SLC30A8: variants seen among roughly 807,000 people sequenced by gnomAD.
The protein encoded by SLC30A8 is solute carrier family 30 member 8.
In SLC30A8, 27 loss-of-function variants were observed where a neutral mutation model predicts 36.9. The ratio of observed to expected loss-of-function variants is 0.73; its 90% CI spans 0.54 to 1.01. SLC30A8 has a LOEUF of 1.01. Ranked by LOEUF, SLC30A8 falls within the 50% of genes least tolerant of loss-of-function variation. SLC30A8 has a pLI of 0.00. For missense variants in SLC30A8, 439 were observed against 452.0 expected (o/e 0.97, Z 0.26); for synonymous variants, 164 against 172.4 (o/e 0.95, Z 0.38).
At chr8:117,015,536 ACC>A (rs35601596) in intron 1 of SLC30A8, among the ~76,000 whole-genome samples, 83,198 of 141,632 alleles carry the variant, frequency 0.59, 23,484 homozygotes, top group African/African-American at 0.68. Context: ...GCTATTATGC[ACC>A]CCCCCCCCCC....
intron 6 of SLC30A8, chr8:117,164,135 G>T (rs1238388373): frequency 3.3e-5 from 5 of 152,392 alleles, no homozygotes; most frequent in African/African-American, 9.6e-5. Flanking sequence ...CTAAGGAAGG[G>T]TGAACTGGCA....
Position 117,172,694 on chromosome 8 carries a change from G to C in SLC30A8, c.*13G>C. On this transcript the variant is annotated 3_prime_UTR_variant, in exon 8 of 8. Transcript: ENST00000456015. ...CCCCTGTGACTAGCTCAGTCACACC[G>C]TCAGTTTCCCAAATTTGACAGGCCA... is the stretch of plus-strand genomic sequence containing the variant. The C allele has an allele frequency of 1.2e-6, 2 of 1,612,740 alleles. No individual in the cohort carries two copies. Among genetic ancestry groups the C allele is most frequent in the Non-Finnish European group, 1.7e-6 (2 of 1,179,024 alleles).
At chr8:117,009,427 G>A (rs78561046) in intron 1 of SLC30A8, among the ~76,000 whole-genome samples, 2,141 of 152,272 alleles carry the variant, frequency 0.014, 37 homozygotes, top group African/African-American at 0.047. Flanking sequence ...CAAGAACTAG[G>A]TGAACAAATT....
intron 2 of SLC30A8, among the ~76,000 whole-genome samples, chr8:117,051,834 A>G (rs1288258420): frequency 6.6e-6 from 1 of 151,850 alleles, no homozygotes; most frequent in East Asian, 1.9e-4. Context: ...AAATAAAAAA[A>G]ATAAAAAAAC....
chr8:117,034,349 C>T (rs751026049), intron 1 of SLC30A8, among the ~76,000 whole-genome samples: 2 of 148,254 alleles, frequency 1.3e-5, no homozygotes, highest in Non-Finnish European at 2.9e-5. Context: ...CTTCATTGCA[C>T]TTACCATTTC....
chr8:117,027,632 A>G (rs1270309635), intron 1 of SLC30A8, among the ~76,000 whole-genome samples: 6 of 152,234 alleles, frequency 3.9e-5, no homozygotes, highest in Non-Finnish European at 7.3e-5. Context: ...AGAGGAGACC[A>G]GAGAAACCTA....
intron 2 of SLC30A8, among the ~76,000 whole-genome samples, chr8:117,121,783 A>G (rs1820705451): frequency 6.6e-6 from 1 of 151,984 alleles, no homozygotes; most frequent in Admixed American, 6.6e-5. Flanking sequence ...CAAGGTGTCT[A>G]AAACAGTCAA....
chr8:116,996,336 C>A (rs890925381), intron 1 of SLC30A8, among the ~76,000 whole-genome samples: 1 of 152,098 alleles, frequency 6.6e-6, no homozygotes, highest in Non-Finnish European at 1.5e-5. Flanking sequence ...TGAAAATACC[C>A]ATTGTCTGTC....
chr8:117,157,067 TATC>T (rs1314563473), intron 3 of SLC30A8, among the ~76,000 whole-genome samples: 1 of 152,248 alleles, frequency 6.6e-6, no homozygotes, highest in Non-Finnish European at 1.5e-5. Flanking sequence ...AACACCATTT[TATC>T]TTTACATATT....
At chr8:117,055,628 C>T (rs901926503) in intron 2 of SLC30A8, among the ~76,000 whole-genome samples, 2 of 152,164 alleles carry the variant, frequency 1.3e-5, no homozygotes, top group Admixed American at 1.3e-4. Flanking sequence ...CTAATGTGAT[C>T]ATCATTATAT....
chr8:117,153,068 G>A lies in SLC30A8; in HGVS notation c.396G>A (p.Leu132=), dbSNP rs748057456. 7 of 1,611,634 alleles carry A rather than the reference G, an allele frequency of 4.3e-6. No individual in the cohort carries two copies. The highest frequency in any genetic ancestry group is 1.7e-6 in the Non-Finnish European group (2 of 1,178,430). Residue 132 remains leucine, a synonymous_variant, in exon 3 of 8, where the codon CTG becomes CTA. Coordinates refer to ENST00000456015, the MANE Select transcript of SLC30A8 (RefSeq NM_173851.3). ...CATCGAAGCCTCCCTCTAAGCGGCT[G>A]ACATTTGGATGGCACCGAGCAGGTA... ...WLSSKPPSKR[L]TFGWHRAEIL...
intron 1 of SLC30A8, among the ~76,000 whole-genome samples, chr8:116,978,229 AT>A (rs765456703): frequency 6.6e-6 from 1 of 151,796 alleles, no homozygotes; most frequent in African/African-American, 2.4e-5. Flanking sequence ...TGCATATTGT[AT>A]TTTTTTTAGT....
At chr8:117,097,404 AAAAAAAAAAAAAAAATATATAT>A (rs1819425377) in intron 2 of SLC30A8, among the ~76,000 whole-genome samples, 2 of 124,270 alleles carry the variant, frequency 1.6e-5, no homozygotes, top group African/African-American at 6.4e-5. Flanking sequence ...CTCAAAAAAA[AAAAAAAAAAAAAAAATATATAT>A]AAATATATAT....
intron 2 of SLC30A8, among the ~76,000 whole-genome samples, chr8:117,129,692 A>G (rs1341006327): frequency 6.6e-6 from 1 of 152,070 alleles, no homozygotes; most frequent in African/African-American, 2.4e-5. Flanking sequence ...TTAATATGAA[A>G]GTTTAAAATG....
chr8:117,017,671 A>G (rs1245059356), intron 1 of SLC30A8, among the ~76,000 whole-genome samples: 2 of 152,256 alleles, frequency 1.3e-5, no homozygotes, highest in Non-Finnish European at 2.9e-5. Flanking sequence ...ATACCTGTGA[A>G]GAAAATGAGG....
rs533795048 is a variant in SLC30A8 at position 117,174,742 on chromosome 8, A to C, written c.*2061A>C. Reference sequence around the variant, plus strand: ...TCAGAAATTCACTGAATGTCAGGTAATCATTATGGAGGGAGATTTGTGTGT... The same window carrying C: ...TCAGAAATTCACTGAATGTCAGGTACTCATTATGGAGGGAGATTTGTGTGT... On this transcript the variant is annotated 3_prime_UTR_variant, in exon 8 of 8. Coordinates refer to ENST00000456015, the MANE Select transcript of SLC30A8 (RefSeq NM_173851.3). 6.6e-6 allele frequency: 1 copy of C among 152,526 alleles called. No homozygotes were observed. The allele number at this position is 152,526 out of a possible 1,614,324, so 9.4% of individuals were successfully genotyped here.
At chr8:117,121,171 C>G (rs1169739638) in intron 2 of SLC30A8, among the ~76,000 whole-genome samples, 2 of 151,858 alleles carry the variant, frequency 1.3e-5, no homozygotes, top group Non-Finnish European at 1.5e-5. Flanking sequence ...AAATCAGTAT[C>G]TCAAAGAATA....
chr8:117,139,114 C>T (rs1194378075), intron 1 of SLC30A8, among the ~76,000 whole-genome samples: 2 of 152,010 alleles, frequency 1.3e-5, no homozygotes, highest in African/African-American at 4.8e-5. Flanking sequence ...AAAATGCCCT[C>T]TTGGATTTGG....
chr8:117,011,920 A>T (rs139869641), intron 1 of SLC30A8, among the ~76,000 whole-genome samples: 1 of 152,124 alleles, frequency 6.6e-6, no homozygotes, highest in East Asian at 1.9e-4. Flanking sequence ...AATTCAGAAG[A>T]TTTTCTCATT....
Sources: gnomAD v4.1 joint callset for allele counts (sites outside exome capture counted in the v4.1 genomes callset) on GRCh38, gnomAD v4.1.1 for gene constraint, MANE v1.5 for transcripts, NCBI Gene and HGNC (gene_info 2026-07-23, HGNC 2026-07-21) for gene names.